Variants in SEMA5A observed in about 807,000 individuals in gnomAD.
SEMA5A encodes the protein semaphorin-5A.
In SEMA5A, 55 loss-of-function variants were observed where a neutral mutation model predicts 135.5. The observed-to-expected ratio is 0.41, with a 90% CI of 0.33 to 0.51. The LOEUF (loss-of-function observed/expected upper bound fraction) is 0.51, where lower values mean the gene tolerates loss of function less well. SEMA5A is among the 20% of genes least tolerant of loss of function. The pLI is 0.37. For missense variants in SEMA5A, 1,290 were observed against 1,419.9 expected (o/e 0.91, Z 1.47); for synonymous variants, 580 against 546.5 (o/e 1.06, Z -0.85).
chr5:9,300,070 A>G (rs1281241632), intron 5 of SEMA5A, among the ~76,000 whole-genome samples: 1 of 152,094 alleles, frequency 6.6e-6, no homozygotes, highest in African/African-American at 2.4e-5. Context: ...TTGCTCTGTT[A>G]GACTGGGGTG....
intron 3 of SEMA5A, among the ~76,000 whole-genome samples, chr5:9,372,751 G>C (rs375009778): frequency 5.9e-5 from 9 of 152,096 alleles, no homozygotes; most frequent in Admixed American, 1.3e-4. Context: ...GATATGCATA[G>C]AGCCATGAGA....
intron 5 of SEMA5A, among the ~76,000 whole-genome samples, chr5:9,248,152 T>G (rs1397541121): frequency 6.6e-6 from 1 of 152,148 alleles, no homozygotes; most frequent in Non-Finnish European, 1.5e-5. Flanking sequence ...AAGAGCTCCA[T>G]CTAAGAAAAA....
intron 13 of SEMA5A, 126 bp from the exon 14 acceptor site, chr5:9,122,963 G>A (rs1473816991): frequency 3.3e-6 from 3 of 913,452 alleles, no homozygotes; most frequent in African/African-American, 1.7e-5. Flanking sequence ...TGTTGCTGCA[G>A]TTAGAAAAAG....
At position 9,096,554 on chromosome 5, in the gene SEMA5A, CTGTGTGTGTG is replaced by C. The variant is rs56202626; in HGVS notation, c.2073+11576_2073+11585del. Among the ~76,000 whole-genome samples, 161 of 144,516 alleles carry C rather than the reference CTGTGTGTGTG, an allele frequency of 1.1e-3. 2 individuals carry two copies. The East Asian group carries it at 0.018, about 16-fold the overall frequency. The allele number at this position is 144,516 out of a possible 152,430, so 94.8% of individuals were successfully genotyped here. A position where few individuals can be genotyped will look rare whatever the true frequency, so the allele number is the denominator to read the frequency against. The stretch of plus-strand genomic sequence containing the variant: ...ATTTTTAAGGCTGTATAATATTCCA[CTGTGTGTGTG>C]TGTGTGTGTGTGTGTGTGTGTGTGT... On this transcript the variant is annotated intron_variant, in intron 16 of 22. Transcript: ENST00000382496.
intron 2 of SEMA5A, among the ~76,000 whole-genome samples, chr5:9,400,264 A>C (rs1334851293): frequency 6.6e-6 from 1 of 152,226 alleles, no homozygotes; most frequent in Non-Finnish European, 1.5e-5. Flanking sequence ...ACCACAGCAT[A>C]TGTATACCTA....
At chr5:9,273,247 A>ATTTATTTATTTCATT (rs1750080523) in intron 5 of SEMA5A, among the ~76,000 whole-genome samples, 3 of 152,194 alleles carry the variant, frequency 2.0e-5, no homozygotes, top group African/African-American at 7.2e-5. Context: ...CAGAGATTGA[A>ATTTATTTATTTCATT]GATCAACTCA....
In SEMA5A at chr5:9,042,048, G is replaced by A. The variant is rs982260555; in HGVS notation, c.*849C>T. 6.6e-6 allele frequency: 1 copy of A among 152,202 alleles called. No individual in the cohort carries two copies. Among genetic ancestry groups the A allele is most frequent in the Non-Finnish European group, 1.5e-5 (1 of 68,040 alleles). 9.4% of individuals were successfully genotyped at this position (152,202 alleles called of 1,614,324 possible). On this transcript the variant is annotated 3_prime_UTR_variant, in exon 23 of 23. Coordinates refer to ENST00000382496, the MANE Select transcript of SEMA5A (RefSeq NM_003966.3). ...CTATCCAAACGCTAAGTAAGTGGTT[G>A]GTTATTTTACAGACTGGCTCTTCAG...
intron 1 of SEMA5A, among the ~76,000 whole-genome samples, chr5:9,499,935 C>T (rs1735495396): frequency 6.7e-6 from 1 of 149,788 alleles, no homozygotes; most frequent in Non-Finnish European, 1.5e-5. Flanking sequence ...TGGTTCTGCC[C>T]TGAAAAAAAA....
intron 2 of SEMA5A, among the ~76,000 whole-genome samples, chr5:9,422,815 T>C (rs1757515968): frequency 6.6e-6 from 1 of 152,246 alleles, no homozygotes; most frequent in South Asian, 2.1e-4. Context: ...GGATGTTGAA[T>C]TATGTTTCTC....
intron 16 of SEMA5A, 81 bp downstream of exon 16, chr5:9,108,059 G>A: frequency 2.0e-6 from 3 of 1,496,016 alleles, no homozygotes; most frequent in Non-Finnish European, 2.7e-6. Context: ...AACATCTAGT[G>A]TGTGCAGAGA....
Position 9,154,582 on chromosome 5 carries a change from G to C in SEMA5A, c.1387C>G (p.Gln463Glu). 1 of 1,613,732 alleles carries C rather than the reference G, an allele frequency of 6.2e-7. No homozygotes were observed. The highest frequency in any genetic ancestry group is 8.5e-7 in the Non-Finnish European group (1 of 1,179,958). The stretch of plus-strand genomic sequence containing the variant: ...AGGACACTCTGGCTGTGCAGGATCT[G>C]CAGGCTCCTGATGGGCTCCCTCCGC... ...ERRREPIRSL[Q>E]ILHSQSVLFV... Residue 463 changes from glutamine (Q) to glutamate (E), a missense_variant, in exon 12 of 23, where the codon CAG (glutamine) becomes GAG (glutamate). Around this residue, in one of 3 missense-constraint regions of SEMA5A, gnomAD observed 1,029 missense variants for 1,086.6 expected, o/e 0.95. Coordinates refer to ENST00000382496, the MANE Select transcript of SEMA5A (RefSeq NM_003966.3).
At chr5:9,495,717 C>A (rs943136566) in intron 1 of SEMA5A, among the ~76,000 whole-genome samples, 2 of 152,306 alleles carry the variant, frequency 1.3e-5, no homozygotes, top group Middle Eastern at 3.4e-3. Context: ...CTTGACAGAG[C>A]AAACCCATTT....
chr5:9,416,247 T>C (rs1197236471), intron 2 of SEMA5A, among the ~76,000 whole-genome samples: 2 of 152,104 alleles, frequency 1.3e-5, no homozygotes, highest in Admixed American at 6.5e-5. Context: ...TAAAACTCAT[T>C]AGTACATAAA....
chr5:9,335,593 A>G (rs956012602), intron 4 of SEMA5A, among the ~76,000 whole-genome samples: 1 of 152,128 alleles, frequency 6.6e-6, no homozygotes, highest in Non-Finnish European at 1.5e-5. Context: ...GACTCAAAAC[A>G]CTAATTGGGG....
chr5:9,102,760 G>GA (rs1739699563), intron 16 of SEMA5A, among the ~76,000 whole-genome samples: 1 of 152,096 alleles, frequency 6.6e-6, no homozygotes, highest in South Asian at 2.1e-4. Flanking sequence ...GTGGTTTGTA[G>GA]AAAAATCCTG....
chr5:9,120,609 T>G (rs575308444), intron 14 of SEMA5A, among the ~76,000 whole-genome samples: 2 of 152,186 alleles, frequency 1.3e-5, no homozygotes, highest in East Asian at 3.8e-4. Flanking sequence ...ATTATCCATG[T>G]TATTCACTGA....
rs549609695 is a variant in SEMA5A at position 9,404,413 on chromosome 5, G to A, written c.-77-24390C>T. 4.5e-3 allele frequency among the ~76,000 whole-genome samples: 679 copies of A among 152,198 alleles called. 3 individuals carry two copies. The highest frequency in any genetic ancestry group is 7.0e-3 in the Non-Finnish European group (476 of 67,982). ...CTAATCAAAGTCATAAAGTCAAGTG[G>A]TTTCAAATAACAACCTCCACTATAT... On this transcript the variant is annotated intron_variant, in intron 2 of 22. Coordinates refer to ENST00000382496, the MANE Select transcript of SEMA5A (RefSeq NM_003966.3).
At chr5:9,418,784 C>G (rs420353) in intron 2 of SEMA5A, among the ~76,000 whole-genome samples, 5,509 of 152,204 alleles carry the variant, frequency 0.036, 331 homozygotes, top group African/African-American at 0.13. Flanking sequence ...TAGAATGTAT[C>G]CAGAGACATC....
intron 1 of SEMA5A, among the ~76,000 whole-genome samples, chr5:9,482,155 C>A (rs890251458): frequency 6.6e-6 from 1 of 152,120 alleles, no homozygotes; most frequent in African/African-American, 2.4e-5. Flanking sequence ...GTGGGATGCC[C>A]GTGAATATGC....
Sources: allele counts gnomAD v4.1 joint callset (sites outside exome capture counted in the v4.1 genomes callset), GRCh38; gene constraint gnomAD v4.1.1; regional missense constraint gnomAD v4.1.1; transcripts MANE v1.5; gene names NCBI Gene and HGNC (gene_info 2026-07-23, HGNC 2026-07-21).